FAS: variants seen among roughly 807,000 people sequenced by gnomAD.
FAS encodes Fas cell surface death receptor, also known as tumor necrosis factor receptor superfamily member 6.
Under a neutral mutation model 33.2 loss-of-function variants are expected in FAS, and 5 were observed. The ratio of observed to expected loss-of-function variants is 0.15; its 90% CI spans 0.08 to 0.32. The LOEUF (loss-of-function observed/expected upper bound fraction) is 0.32, where lower values mean the gene tolerates loss of function less well. Among genes scored for constraint, FAS ranks in the 10% least tolerant of loss-of-function variants. The pLI, the probability that FAS is intolerant of heterozygous loss-of-function variation, is 1.00. For synonymous variants in FAS, 131 were observed against 130.7 expected, an observed-to-expected ratio of 1.00 and a Z score of -0.01; for missense variants, 339 against 386.0, an observed-to-expected ratio of 0.88 and a Z score of 1.02.
At position 89,015,744 on chromosome 10, in the gene FAS, A is replaced by T. The variant is rs9658778; in HGVS notation, c.*1294A>T. The stretch of plus-strand genomic sequence containing the variant: ...TTTTGCCCCTTGTGTTTGGAATTAT[A>T]AAATATAGGTAAAAGTACGTAATTA... On this transcript the variant is annotated 3_prime_UTR_variant, in exon 9 of 9. Transcript: ENST00000652046. 1.5e-4 allele frequency: 75 copies of T among 499,444 alleles called. No individual in the cohort carries two copies. The highest frequency in any genetic ancestry group is 2.6e-4 in the Admixed American group (11 of 42,290). The allele number at this position is 499,444 out of a possible 1,614,324, so 30.9% of individuals were successfully genotyped here.
chr10:88,993,020 G>T (rs1847348631), intron 1 of FAS, among the ~76,000 whole-genome samples: 1 of 152,150 alleles, frequency 6.6e-6, no homozygotes, highest in African/African-American at 2.4e-5. Context: ...GACATAGATG[G>T]GTGGGGAGCT....
At chr10:88,996,022 A>G (rs1171181119) in intron 1 of FAS, among the ~76,000 whole-genome samples, 3 of 152,234 alleles carry the variant, frequency 2.0e-5, no homozygotes, top group African/African-American at 2.4e-5. Context: ...CATTGGATTC[A>G]TTAATGATAG....
At chr10:88,965,556 G>A (rs1846303940) in intron 1 of FAS, among the ~76,000 whole-genome samples, 1 of 152,114 alleles carries the variant, frequency 6.6e-6, no homozygotes, top group Admixed American at 6.6e-5. Context: ...GCCTTAGGAG[G>A]TCAAACACAT....
chr10:88,967,447 CGAT>C (rs1274813326), intron 1 of FAS, among the ~76,000 whole-genome samples: 3 of 152,102 alleles, frequency 2.0e-5, no homozygotes, highest in Non-Finnish European at 4.4e-5. Flanking sequence ...CATCAGGTGG[CGAT>C]GAGGACAGAT....
rs1275779748 is a variant in FAS, at chr10:89,015,554, A to T, written c.*1104A>T. ...TACCCCCAAGTTTCTAAGATTTAAG[A>T]TTCTCCTTACTACTATCCTACGTTT... On this transcript the variant is annotated 3_prime_UTR_variant, in exon 9 of 9. Coordinates refer to ENST00000652046, the MANE Select transcript of FAS (RefSeq NM_000043.6). 1 of 534,230 alleles carries T rather than the reference A, an allele frequency of 1.9e-6. No homozygotes were observed. Among genetic ancestry groups the T allele is most frequent in the South Asian group, 1.5e-5 (1 of 64,894 alleles). 33.1% of individuals were successfully genotyped at this position (534,230 alleles called of 1,614,324 possible). A position where few individuals can be genotyped will look rare whatever the true frequency, so the allele number is the denominator to read the frequency against.
At chr10:88,997,164 C>G (rs1421063599) in intron 1 of FAS, among the ~76,000 whole-genome samples, 1 of 152,176 alleles carries the variant, frequency 6.6e-6, no homozygotes, top group African/African-American at 2.4e-5. Flanking sequence ...CCTAGTTGCC[C>G]TGCAACTGTG....
rs9658749 is a variant in FAS, at chr10:89,005,997, A to T, written c.197-1703A>T. Among the ~76,000 whole-genome samples, 101 of 152,332 alleles carry T rather than the reference A, an allele frequency of 6.6e-4. 2 individuals carry two copies. Among genetic ancestry groups the T allele is most frequent in the Admixed American group, 5.2e-3 (79 of 15,302 alleles). ...TTTCCAACATTTCTATAATAAGCATATGTACCATTATACTAAAAAAAGTAT... is the reference window on the plus strand; with the variant it reads ...TTTCCAACATTTCTATAATAAGCATTTGTACCATTATACTAAAAAAAGTAT... On this transcript the variant is annotated intron_variant, in intron 2 of 8. Coordinates refer to ENST00000652046, the MANE Select transcript of FAS (RefSeq NM_000043.6).
chr10:88,998,265 G>A (rs2133440094), intron 1 of FAS, among the ~76,000 whole-genome samples: 1 of 150,090 alleles, frequency 6.7e-6, no homozygotes, highest in South Asian at 2.1e-4. Flanking sequence ...GTTTGTATGT[G>A]TGTCCAAATT....
intron 1 of FAS, among the ~76,000 whole-genome samples, chr10:88,970,001 G>A (rs1372964439): frequency 6.6e-6 from 1 of 152,134 alleles, no homozygotes; most frequent in Non-Finnish European, 1.5e-5. Context: ...GGAAAAAATT[G>A]CTCATGGCAG....
At chr10:88,964,312 G>A (rs200919452) in intron 1 of FAS, among the ~76,000 whole-genome samples, 1 of 152,180 alleles carries the variant, frequency 6.6e-6, no homozygotes, top group African/African-American at 2.4e-5. Flanking sequence ...CCCAGGGAAT[G>A]AGCAATTCTC....
At chr10:89,007,553 C>T in intron 2 of FAS, 147 bp from the exon 3 acceptor site, 1 of 1,065,350 alleles carries the variant, frequency 9.4e-7, no homozygotes, top group Non-Finnish European at 1.4e-6. Context: ...AAATAATCTT[C>T]TCCCCCATTG....
At chr10:88,967,298 G>A (rs1846336411) in intron 1 of FAS, among the ~76,000 whole-genome samples, 1 of 152,152 alleles carries the variant, frequency 6.6e-6, no homozygotes, top group Admixed American at 6.5e-5. Flanking sequence ...CATCAGGTAG[G>A]GGCAAGAGTA....
Position 88,990,875 on chromosome 10 carries a change from C to G in FAS, c.-2C>G. ...TTCACTTCGGAGGATTGCTCAACAA[C>G]CATGCTGGGCATCTGGACCCTCCTA... On this transcript the variant is annotated 5_prime_UTR_variant, in exon 1 of 9. Coordinates refer to ENST00000652046, the MANE Select transcript of FAS (RefSeq NM_000043.6). The surrounding 1 kb of genome is among the most constrained non-coding windows in gnomAD (Gnocchi z 4.9). 6.2e-7 allele frequency: 1 copy of G among 1,614,242 alleles called. No individual in the cohort carries two copies. Among genetic ancestry groups the G allele is most frequent in the Non-Finnish European group, 8.5e-7 (1 of 1,180,040 alleles).
At chr10:89,010,457 C>A in intron 4 of FAS, 82 bp from the exon 5 acceptor site, 1 of 1,126,506 alleles carries the variant, frequency 8.9e-7, no homozygotes. Flanking sequence ...TAAAATGGCC[C>A]CTAATTTACA....
In FAS at chr10:89,003,371, G is replaced by T. The variant is rs187941454; in HGVS notation, c.196+177G>T. On this transcript the variant is annotated intron_variant, in intron 2 of 8. Transcript: ENST00000652046. ...GATGAGTTTTATTTATATTTATCAC[G>T]CTTATTTGATGTGGTTATGGATAAA... Among the ~76,000 whole-genome samples the T allele has an allele frequency of 6.6e-5, 10 of 152,234 alleles. No homozygotes were observed. In the East Asian group the frequency reaches 1.9e-3, roughly 29 times the overall value.
Position 89,007,799 on chromosome 10 carries a change from C to T in FAS, c.296C>T (p.Ser99Phe), listed in dbSNP as rs898277057. Residue 99 changes from serine to phenylalanine, a missense_variant, in exon 3 of 9, where the codon TCC becomes TTC. Ser to Phe is a radical substitution (Grantham distance 155, BLOSUM62 -2). Transcript: ENST00000652046. ...KEYTDKAHFSSKCRRCRLCDE... is the reference protein window; with the variant it reads ...KEYTDKAHFSFKCRRCRLCDE... ...TACACAGACAAAGCCCATTTTTCTT[C>T]CAAATGCAGAAGATGTAGATTGTGT... The T allele has an allele frequency of 1.2e-6, 2 of 1,613,978 alleles. No homozygotes were observed. The highest frequency in any genetic ancestry group is 1.7e-6 in the Non-Finnish European group (2 of 1,179,912).
At chr10:88,978,088 T>G (rs1233770815) in intron 2 of FAS, among the ~76,000 whole-genome samples, 1 of 68,990 alleles carries the variant, frequency 1.4e-5, no homozygotes, top group African/African-American at 5.7e-5. Context: ...GATGAGTTCA[T>G]GTCCTTTGTA....
chr10:88,989,409 A>C (rs928831812), upstream of FAS: 1 of 493,820 alleles, frequency 2.0e-6, no homozygotes, highest in African/African-American at 2.0e-5. Flanking sequence ...ATTTGCAGAG[A>C]TAATACAGAG....
At chr10:88,993,374 C>T (rs150665502) in intron 1 of FAS, among the ~76,000 whole-genome samples, 1 of 151,656 alleles carries the variant, frequency 6.6e-6, no homozygotes, top group African/African-American at 2.4e-5. Context: ...TTGGAAAGTC[C>T]CTCGCTCAGA....
Sources: gnomAD v4.1 joint callset for allele counts (sites outside exome capture counted in the v4.1 genomes callset) on GRCh38, gnomAD v4.1.1 for gene constraint, Gnocchi (gnomAD v3.1) non-coding constraint, MANE v1.5 for transcripts, NCBI Gene and HGNC (gene_info 2026-07-23, HGNC 2026-07-21) for gene names.